Variants in F13A1 observed in about 807,000 individuals in gnomAD.
F13A1 encodes coagulation factor XIII A chain.
A neutral mutation model predicts 80.1 loss-of-function variants in F13A1; 47 were observed. The observed-to-expected ratio is 0.59, with a 90% CI of 0.46 to 0.75. The LOEUF (loss-of-function observed/expected upper bound fraction) is 0.75, where lower values mean the gene tolerates loss of function less well. Ranked by LOEUF, F13A1 falls within the 30% of genes least tolerant of loss-of-function variation. The pLI is 0.00. For missense variants in F13A1, 817 were observed against 930.4 expected (o/e 0.88, Z 1.59); for synonymous variants, 349 against 344.9 (o/e 1.01, Z -0.13).
chr6:6,301,522 T>C (rs1758430998), intron 3 of F13A1, among the ~76,000 whole-genome samples: 1 of 152,232 alleles, frequency 6.6e-6, no homozygotes, highest in Non-Finnish European at 1.5e-5. Context: ...GCACACATCA[T>C]GGGTTCTGAA....
chr6:6,192,603 A>G (rs1761220732), intron 10 of F13A1, among the ~76,000 whole-genome samples: 1 of 152,268 alleles, frequency 6.6e-6, no homozygotes, highest in African/African-American at 2.4e-5. Flanking sequence ...CTGATAAGAT[A>G]GTAGCAAAAT....
chr6:6,192,541 T>G (rs1366128477), intron 10 of F13A1, among the ~76,000 whole-genome samples: 2 of 152,214 alleles, frequency 1.3e-5, no homozygotes, highest in African/African-American at 2.4e-5. Context: ...TTTGAATAAA[T>G]GACTGGATTA....
chr6:6,283,446 A>G (rs1758093345), intron 3 of F13A1, among the ~76,000 whole-genome samples: 1 of 152,238 alleles, frequency 6.6e-6, no homozygotes, highest in South Asian at 2.1e-4. Context: ...GGTTGCACAG[A>G]AGAATGTCTT....
rs117446770 is a variant in F13A1, at chr6:6,302,282, G to T, written c.319+3069C>A. On this transcript the variant is annotated intron_variant, in intron 3 of 14. Transcript: ENST00000264870. The stretch of plus-strand genomic sequence containing the variant: ...CCAGAGCTTCAAACGTGAATTTGTT[G>T]TCATGCACGGGATGTAATATGTTGT... Among the ~76,000 whole-genome samples, 82 of 152,132 alleles carry T rather than the reference G, an allele frequency of 5.4e-4. 1 individual carries two copies. The East Asian group carries it at 0.014, about 27-fold the overall frequency.
intron 3 of F13A1, among the ~76,000 whole-genome samples, chr6:6,302,346 A>C (rs1180255260): frequency 2.0e-5 from 3 of 152,210 alleles, no homozygotes; most frequent in South Asian, 2.1e-4. Context: ...CATCATAGAA[A>C]CAAAGATGGT....
At chr6:6,208,727 T>C (rs1761540823) in intron 8 of F13A1, among the ~76,000 whole-genome samples, 1 of 152,158 alleles carries the variant, frequency 6.6e-6, no homozygotes, top group Non-Finnish European at 1.5e-5. Flanking sequence ...TAATTTACCA[T>C]GTACAAGAGA....
chr6:6,266,911 G>C (rs1002038772), intron 3 of F13A1, 102 bp from the exon 4 acceptor site: 10 of 1,503,864 alleles, frequency 6.6e-6, no homozygotes, highest in African/African-American at 1.4e-5. Flanking sequence ...TAATCCATTA[G>C]AATTATTCTT....
chr6:6,289,462 A>G (rs895736617), intron 3 of F13A1, among the ~76,000 whole-genome samples: 1 of 152,044 alleles, frequency 6.6e-6, no homozygotes, highest in Non-Finnish European at 1.5e-5. Context: ...GCACACACAC[A>G]TTTTACTACT....
intron 8 of F13A1, among the ~76,000 whole-genome samples, chr6:6,198,551 T>C (rs775699834): frequency 2.6e-5 from 4 of 152,144 alleles, no homozygotes; most frequent in Non-Finnish European, 5.9e-5. Context: ...GTGCAGCCCA[T>C]TTTTGATTGG....
In F13A1 at chr6:6,250,177, ACATG is replaced by A. The variant is rs1185612021; in HGVS notation, c.690+630_690+633del. Among the ~76,000 whole-genome samples the A allele has an allele frequency of 1.3e-5, 2 of 152,172 alleles. No homozygotes were observed. The highest frequency in any genetic ancestry group is 2.9e-5 in the Non-Finnish European group (2 of 68,036). On this transcript the variant is annotated intron_variant, in intron 5 of 14. Coordinates refer to ENST00000264870, the MANE Select transcript of F13A1 (RefSeq NM_000129.4). This position sits in a 1 kb window ranked among gnomAD's most constrained non-coding sequence, Gnocchi z 4.2. ...TTAAAAATCATTTTGAAATCACAGG[ACATG>A]CATTCATTTATGGAAAATTGGTAAA... is the stretch of plus-strand genomic sequence containing the variant.
intron 4 of F13A1, among the ~76,000 whole-genome samples, chr6:6,261,345 C>A (rs934069023): frequency 6.6e-6 from 1 of 152,188 alleles, no homozygotes; most frequent in Non-Finnish European, 1.5e-5. Flanking sequence ...GCCTCGAACT[C>A]CTGGGCCCAA....
chr6:6,275,752 A>G (rs553321640), intron 3 of F13A1, among the ~76,000 whole-genome samples: 2 of 152,212 alleles, frequency 1.3e-5, no homozygotes, highest in East Asian at 3.9e-4. Context: ...AGCTTCAAGC[A>G]TGGGAGAACA....
intron 3 of F13A1, 76 bp downstream of exon 3, chr6:6,305,275 A>C (rs1458557770): frequency 6.6e-7 from 1 of 1,519,942 alleles, no homozygotes. Context: ...AGGAAATCAC[A>C]CAACTGTGCC....
chr6:6,225,519 T>C lies in F13A1; in HGVS notation c.799-659A>G, dbSNP rs147852894. 3.9e-5 allele frequency among the ~76,000 whole-genome samples: 6 copies of C among 152,186 alleles called. No homozygotes were observed. In the East Asian group the frequency reaches 1.2e-3, roughly 29 times the overall value. Reference sequence around the variant, plus strand: ...TTTCTTTTCTCTCTCTCTCTCTCTTTCTTTCTAAGATAAGGTCTCGATCTG... The same window carrying C: ...TTTCTTTTCTCTCTCTCTCTCTCTTCCTTTCTAAGATAAGGTCTCGATCTG... On this transcript the variant is annotated intron_variant, in intron 6 of 14. Coordinates refer to ENST00000264870, the MANE Select transcript of F13A1 (RefSeq NM_000129.4).
rs1220662991 is a variant in F13A1, at chr6:6,243,896, A to G, written c.798+4416T>C. 6.6e-6 allele frequency among the ~76,000 whole-genome samples: 1 copy of G among 152,250 alleles called. No homozygotes were observed. Among genetic ancestry groups the G allele is most frequent in the Non-Finnish European group, 1.5e-5 (1 of 68,030 alleles). ...ACGAGCCTTTATCTGCAGTAGCGGCAGCCTTTGCAGAAGCAGCTGCATCTC... is the reference window on the plus strand; with the variant it reads ...ACGAGCCTTTATCTGCAGTAGCGGCGGCCTTTGCAGAAGCAGCTGCATCTC... On this transcript the variant is annotated intron_variant, in intron 6 of 14. Transcript: ENST00000264870. The surrounding 1 kb of genome is among the most constrained non-coding windows in gnomAD (Gnocchi z 4.2).
chr6:6,230,156 AC>A (rs1406310873), intron 6 of F13A1, among the ~76,000 whole-genome samples: 1 of 152,042 alleles, frequency 6.6e-6, no homozygotes, highest in Non-Finnish European at 1.5e-5. Context: ...GAAGAACCAA[AC>A]CCTTTTCTTT....
chr6:6,168,992 C>T (rs528311336), intron 12 of F13A1, among the ~76,000 whole-genome samples: 52 of 152,330 alleles, frequency 3.4e-4, no homozygotes, highest in Middle Eastern at 3.4e-3. Context: ...TTTACAGATG[C>T]GTAAGTGCTG....
chr6:6,278,791 C>A (rs1324119528), intron 3 of F13A1, among the ~76,000 whole-genome samples: 1 of 152,042 alleles, frequency 6.6e-6, no homozygotes, highest in East Asian at 1.9e-4. Context: ...CAGAGACAGC[C>A]AGATCAAGCA....
intron 11 of F13A1, among the ~76,000 whole-genome samples, chr6:6,180,575 T>C (rs1168174568): frequency 6.6e-6 from 1 of 152,268 alleles, no homozygotes; most frequent in African/African-American, 2.4e-5. Flanking sequence ...TAAGAGGGCA[T>C]TGCTTGTTTG....
Sources: gnomAD v4.1 joint callset for allele counts (sites outside exome capture counted in the v4.1 genomes callset) on GRCh38, gnomAD v4.1.1 for gene constraint, Gnocchi (gnomAD v3.1) non-coding constraint, MANE v1.5 for transcripts, NCBI Gene and HGNC (gene_info 2026-07-23, HGNC 2026-07-21) for gene names.